BTBD9: variants seen among roughly 807,000 people sequenced by gnomAD.
The protein encoded by BTBD9 is BTB domain containing 9, also known as BTB/POZ domain-containing protein 9.
A neutral mutation model predicts 64.3 loss-of-function variants in BTBD9; 49 were observed. That is an observed-to-expected ratio of 0.76 (90% confidence interval 0.61 to 0.97). BTBD9 has a LOEUF of 0.97. Ranked by LOEUF, BTBD9 falls within the 50% of genes least tolerant of loss-of-function variation. BTBD9 has a pLI of 0.00. For missense variants in BTBD9, 598 were observed against 762.1 expected (o/e 0.78, Z 2.53); for synonymous variants, 260 against 274.7 (o/e 0.95, Z 0.53).
At chr6:38,217,667 G>T (rs1054507885) in intron 9 of BTBD9, among the ~76,000 whole-genome samples, 1 of 150,992 alleles carries the variant, frequency 6.6e-6, no homozygotes, top group African/African-American at 2.4e-5. Flanking sequence ...GCCCAGTTTG[G>T]TTTTTTAAAC....
At chr6:38,358,927 G>A (rs961060681) in intron 6 of BTBD9, among the ~76,000 whole-genome samples, 7 of 151,718 alleles carry the variant, frequency 4.6e-5, no homozygotes, top group African/African-American at 9.7e-5. Flanking sequence ...GCCCGCCACC[G>A]CGCCCGGCTA....
At chr6:38,635,597 T>G (rs928742586) in intron 1 of BTBD9, among the ~76,000 whole-genome samples, 1 of 152,220 alleles carries the variant, frequency 6.6e-6, no homozygotes, top group African/African-American at 2.4e-5. Flanking sequence ...AATGAATTAA[T>G]GCCAGTAGAG....
chr6:38,608,851 C>A (rs1037590407), intron 1 of BTBD9, among the ~76,000 whole-genome samples: 1 of 152,114 alleles, frequency 6.6e-6, no homozygotes, highest in Non-Finnish European at 1.5e-5. Context: ...TCTTTTTCCC[C>A]TATATAACCT....
intron 1 of BTBD9, among the ~76,000 whole-genome samples, chr6:38,598,356 T>C (rs1313103677): frequency 6.6e-6 from 1 of 152,102 alleles, no homozygotes; most frequent in Non-Finnish European, 1.5e-5. Flanking sequence ...CTCCAAACAC[T>C]AACAGCACTT....
At chr6:38,496,875 G>A (rs925826950) in intron 6 of BTBD9, among the ~76,000 whole-genome samples, 6 of 152,096 alleles carry the variant, frequency 3.9e-5, no homozygotes, top group South Asian at 2.1e-4. Flanking sequence ...CCCTTGCTAC[G>A]TTAGTGTCTA....
intron 9 of BTBD9, among the ~76,000 whole-genome samples, chr6:38,201,640 A>T (rs934936661): frequency 1.3e-5 from 2 of 152,224 alleles, no homozygotes; most frequent in Admixed American, 6.5e-5. Context: ...ATTGGAAAAG[A>T]GGATGTCAAA....
chr6:38,557,015 C>CAAAAAAAAAAAAAAAAA lies in BTBD9; in HGVS notation c.1154+20568_1154+20584dup, dbSNP rs397888418. The stretch of plus-strand genomic sequence containing the variant: ...GGAACAGAGCGAGACTCCATCTCAC[C>CAAAAAAAAAAAAAAAAA]AAAAAAAAAAAAAAAAAAAAAAAAA... On this transcript the variant is annotated intron_variant, in intron 6 of 10. Coordinates refer to ENST00000481247, the MANE Select transcript of BTBD9 (RefSeq NM_001099272.2). Among the ~76,000 whole-genome samples, 5 of 15,408 alleles carry CAAAAAAAAAAAAAAAAA rather than the reference C, an allele frequency of 3.2e-4. 1 individual carries two copies. Among genetic ancestry groups the CAAAAAAAAAAAAAAAAA allele is most frequent in the Non-Finnish European group, 4.6e-4 (4 of 8,692 alleles). The allele number at this position is 15,408 out of a possible 152,430, so 10.1% of individuals were successfully genotyped here. A position where few individuals can be genotyped will look rare whatever the true frequency, so the allele number is the denominator to read the frequency against.
chr6:38,465,452 C>T (rs1387153887), intron 6 of BTBD9, among the ~76,000 whole-genome samples: 2 of 111,380 alleles, frequency 1.8e-5, no homozygotes, highest in Non-Finnish European at 3.6e-5. Context: ...CCCATCTCTA[C>T]TAAAAATACA....
chr6:38,280,076 G>A (rs927119673), intron 8 of BTBD9, among the ~76,000 whole-genome samples: 2 of 151,862 alleles, frequency 1.3e-5, no homozygotes, highest in Non-Finnish European at 2.9e-5. Flanking sequence ...TGCTCCTCCT[G>A]TATTTTTAAC....
At chr6:38,334,654 TAA>T (rs1763823231) in intron 7 of BTBD9, among the ~76,000 whole-genome samples, 5 of 135,464 alleles carry the variant, frequency 3.7e-5, no homozygotes, top group African/African-American at 1.6e-4. Flanking sequence ...TAAAATAAAA[TAA>T]AACAAAACAA....
chr6:38,610,888 G>A (rs1207378426), intron 1 of BTBD9, among the ~76,000 whole-genome samples: 4 of 144,946 alleles, frequency 2.8e-5, no homozygotes, highest in Non-Finnish European at 6.0e-5. Context: ...ATTAATTACA[G>A]CATTGCTTGT....
rs1281317436 is a variant in BTBD9 at position 38,592,674 on chromosome 6, A to T, written c.716T>A (p.Val239Glu). The T allele has an allele frequency of 6.2e-7, 1 of 1,614,054 alleles. No individual in the cohort carries two copies. Among genetic ancestry groups the T allele is most frequent in the Non-Finnish European group, 8.5e-7 (1 of 1,180,034 alleles). ...LMSLTELLNV[V>E]RPSGLLSPDA... is the part of the protein sequence containing the mutation. The stretch of plus-strand genomic sequence containing the variant: ...AGGAGACAGCAGTCCTGAAGGCCTC[A>T]CAACATTCAGAAGCTCTGTGAGGCT... The change falls in exon 4 of 11, where the codon GTG becomes GAG. Residue 239 changes from valine (V) to glutamate (E), a missense_variant. Val to Glu is a moderately radical substitution (Grantham distance 121). Coordinates refer to ENST00000481247, the MANE Select transcript of BTBD9 (RefSeq NM_001099272.2).
chr6:38,337,794 C>A (rs1421202090), intron 7 of BTBD9, among the ~76,000 whole-genome samples: 1 of 152,200 alleles, frequency 6.6e-6, no homozygotes, highest in African/African-American at 2.4e-5. Flanking sequence ...TTGTCCTACA[C>A]TGGATCTCAG....
intron 6 of BTBD9, among the ~76,000 whole-genome samples, chr6:38,537,056 G>T (rs1364210832): frequency 1.3e-5 from 2 of 152,076 alleles, no homozygotes; most frequent in African/African-American, 4.8e-5. Flanking sequence ...ATTACACATT[G>T]TATGCCTGTA....
intron 1 of BTBD9, among the ~76,000 whole-genome samples, chr6:38,624,857 T>C (rs1778118191): frequency 6.6e-6 from 1 of 152,194 alleles, no homozygotes; most frequent in African/African-American, 2.4e-5. Flanking sequence ...GTACCTAGAA[T>C]ACATGGACTC....
intron 8 of BTBD9, among the ~76,000 whole-genome samples, chr6:38,280,278 T>C (rs971120671): frequency 6.6e-6 from 1 of 152,174 alleles, no homozygotes; most frequent in Non-Finnish European, 1.5e-5. Flanking sequence ...AATTATTTGC[T>C]GTATGATTTT....
At chr6:38,547,017 T>C (rs1316916840) in intron 6 of BTBD9, among the ~76,000 whole-genome samples, 2 of 152,172 alleles carry the variant, frequency 1.3e-5, no homozygotes, top group Admixed American at 1.3e-4. Context: ...TAATTGTATC[T>C]GGGGCGTCAC....
At chr6:38,264,167 G>A (rs1056053694) in intron 8 of BTBD9, among the ~76,000 whole-genome samples, 1 of 152,182 alleles carries the variant, frequency 6.6e-6, no homozygotes, top group African/African-American at 2.4e-5. Context: ...AGAGAGCCTT[G>A]CAAAGATGGA....
At position 38,354,625 on chromosome 6, in the gene BTBD9, T is replaced by C. The variant is rs556484396; in HGVS notation, c.1155-9532A>G. On this transcript the variant is annotated intron_variant, in intron 6 of 10. Transcript: ENST00000481247. ...GCCCAATGCATTGAAGTCCCACCTA[T>C]GCCACATACTATCCCTAGACTGCTT... is the stretch of plus-strand genomic sequence containing the variant. Among the ~76,000 whole-genome samples the C allele has an allele frequency of 9.9e-5, 15 of 152,252 alleles. No individual in the cohort carries two copies. The East Asian group carries it at 2.7e-3, about 27-fold the overall frequency.
Sources: allele counts gnomAD v4.1 joint callset (sites outside exome capture counted in the v4.1 genomes callset), GRCh38; gene constraint gnomAD v4.1.1; transcripts MANE v1.5; gene names NCBI Gene and HGNC (gene_info 2026-07-23, HGNC 2026-07-21).